GRAMD1B: variants seen among roughly 807,000 people sequenced by gnomAD.
GRAMD1B encodes the protein GRAM domain containing 1B, also known as protein Aster-B.
Under a neutral mutation model 99.7 loss-of-function variants are expected in GRAMD1B, and 37 were observed. That is an observed-to-expected ratio of 0.37 (90% CI 0.29 to 0.49). The LOEUF is 0.49. GRAMD1B is among the 20% of genes least tolerant of loss of function. GRAMD1B has a pLI of 0.98. For missense variants in GRAMD1B, 888 were observed against 1,009.2 expected, an observed-to-expected ratio of 0.88 and a Z score of 1.63; for synonymous variants, 427 against 387.6, an observed-to-expected ratio of 1.10 and a Z score of -1.19.
intron 1 of GRAMD1B, among the ~76,000 whole-genome samples, chr11:123,415,261 C>T (rs921717577): frequency 6.6e-6 from 1 of 151,844 alleles, no homozygotes; most frequent in East Asian, 1.9e-4. Flanking sequence ...CACCACCACA[C>T]CCAGCTAATT....
chr11:123,440,202 C>T (rs892964526), intron 1 of GRAMD1B, among the ~76,000 whole-genome samples: 2 of 152,154 alleles, frequency 1.3e-5, no homozygotes, highest in Admixed American at 1.3e-4. Context: ...CACAAGAAAT[C>T]ATTTTTTATG....
intron 1 of GRAMD1B, among the ~76,000 whole-genome samples, chr11:123,403,251 C>T (rs1947730028): frequency 6.6e-6 from 1 of 151,788 alleles, no homozygotes. Context: ...ATGGTGAAAC[C>T]CTGTCTCTAC....
chr11:123,480,439 G>A (rs540608523), intron 1 of GRAMD1B, among the ~76,000 whole-genome samples: 161 of 152,252 alleles, frequency 1.1e-3, no homozygotes, highest in African/African-American at 3.9e-3. Flanking sequence ...TGGCTTGAGA[G>A]TCTCCGGTGG....
intron 4 of GRAMD1B, among the ~76,000 whole-genome samples, chr11:123,589,613 T>TA (rs758109557): frequency 0.4 from 52,927 of 133,016 alleles, 11,523 homozygotes; most frequent in South Asian, 0.56. Flanking sequence ...GTGGCTAATT[T>TA]TTATATATAT....
At chr11:123,425,513 G>A (rs942479270), upstream of GRAMD1B, among the ~76,000 whole-genome samples, 1 of 152,166 alleles carries the variant, frequency 6.6e-6, no homozygotes, top group Non-Finnish European at 1.5e-5. Flanking sequence ...GCCTTTTGAT[G>A]AGCGATTAAA....
chr11:123,598,536 T>G, intron 7 of GRAMD1B: 2 of 1,531,598 alleles, frequency 1.3e-6, no homozygotes, highest in Non-Finnish European at 1.8e-6. Context: ...GCCCTTTGAC[T>G]TGGGATTTTT....
At chr11:123,536,451 A>C (rs1943969106) in intron 2 of GRAMD1B, among the ~76,000 whole-genome samples, 1 of 152,132 alleles carries the variant, frequency 6.6e-6, no homozygotes, top group Non-Finnish European at 1.5e-5. Flanking sequence ...AAAATAAAAT[A>C]AAATCGGGTT....
chr11:123,415,226 C>G (rs911484419), intron 1 of GRAMD1B, among the ~76,000 whole-genome samples: 1 of 150,976 alleles, frequency 6.6e-6, no homozygotes, highest in African/African-American at 2.4e-5. Context: ...CCTTAGCTTC[C>G]CGAGTAGCTG....
intron 2 of GRAMD1B, among the ~76,000 whole-genome samples, chr11:123,562,324 G>A (rs1946861552): frequency 6.6e-6 from 1 of 152,146 alleles, no homozygotes; most frequent in Non-Finnish European, 1.5e-5. Context: ...TGGGACGCAG[G>A]CACCCTCCCC....
At position 123,627,224 on chromosome 11, in the gene GRAMD1B, G is replaced by C. The variant is rs1955545911; in HGVS notation, c.*4629G>C. 6.6e-6 allele frequency: 1 copy of C among 152,270 alleles called. No individual in the cohort carries two copies. The allele number at this position is 152,270 out of a possible 1,614,324, so 9.4% of individuals were successfully genotyped here. ...AAGACATTGCAGAAGCAAAAGGGTGGCCTCTGCTCCAGGCAAGGCAGCTGG... is the reference window on the plus strand; with the variant it reads ...AAGACATTGCAGAAGCAAAAGGGTGCCCTCTGCTCCAGGCAAGGCAGCTGG... On this transcript the variant is annotated 3_prime_UTR_variant, in exon 20 of 20. Transcript: ENST00000635736.
intron 2 of GRAMD1B, 105 bp from the exon 3 acceptor site, chr11:123,577,262 C>A: frequency 2.1e-6 from 2 of 953,062 alleles, no homozygotes; most frequent in Non-Finnish European, 3.3e-6. Flanking sequence ...ACCTGGCTCC[C>A]TGAGCTGGCT....
chr11:123,557,349 G>C (rs960903275), intron 2 of GRAMD1B, among the ~76,000 whole-genome samples: 35 of 152,122 alleles, frequency 2.3e-4, no homozygotes, highest in African/African-American at 8.5e-4. Flanking sequence ...ATTATTTAAT[G>C]TGTCCATTTT....
At chr11:123,527,546 C>T (rs372990105) in intron 2 of GRAMD1B, among the ~76,000 whole-genome samples, 4 of 152,238 alleles carry the variant, frequency 2.6e-5, no homozygotes, top group East Asian at 1.9e-4. Context: ...TTAGTCCTTG[C>T]TTTCTTGGGG....
At chr11:123,530,342 C>T (rs1943224000) in intron 2 of GRAMD1B, among the ~76,000 whole-genome samples, 1 of 152,064 alleles carries the variant, frequency 6.6e-6, no homozygotes, top group African/African-American at 2.4e-5. Flanking sequence ...TTAGCTGTTG[C>T]CTGGACCAAA....
chr11:123,386,121 C>T (rs1304076046), intron 1 of GRAMD1B, among the ~76,000 whole-genome samples: 3 of 152,338 alleles, frequency 2.0e-5, no homozygotes, highest in South Asian at 2.1e-4. Context: ...CCTCTCTCCA[C>T]ATCTAAGTTT....
At chr11:123,359,279 T>C (rs1241504997) in intron 1 of GRAMD1B, among the ~76,000 whole-genome samples, 1 of 106,640 alleles carries the variant, frequency 9.4e-6, no homozygotes, top group East Asian at 2.9e-4. Context: ...GTCTTACGCC[T>C]ATTCTGCTTG....
intron 2 of GRAMD1B, among the ~76,000 whole-genome samples, chr11:123,541,254 G>A (rs945122333): frequency 6.6e-6 from 1 of 152,104 alleles, no homozygotes; most frequent in Non-Finnish European, 1.5e-5. Flanking sequence ...GGGATTACAG[G>A]GACTAGCATT....
chr11:123,433,953 G>T (rs929410605), intron 1 of GRAMD1B, among the ~76,000 whole-genome samples: 14 of 152,054 alleles, frequency 9.2e-5, no homozygotes, highest in Admixed American at 5.9e-4. Flanking sequence ...GTATCAGCCG[G>T]GCGCAGTGGC....
chr11:123,611,198 G>A (rs1163363171), intron 14 of GRAMD1B, among the ~76,000 whole-genome samples: 2 of 128,826 alleles, frequency 1.6e-5, no homozygotes, highest in Non-Finnish European at 3.6e-5. Context: ...ATTTTGGGAG[G>A]CTTACGCAGG....
Sources: gnomAD v4.1 joint callset for allele counts (sites outside exome capture counted in the v4.1 genomes callset) on GRCh38, gnomAD v4.1.1 for gene constraint, MANE v1.5 for transcripts, NCBI Gene and HGNC (gene_info 2026-07-23, HGNC 2026-07-21) for gene names.